ADCY1: variants seen among roughly 807,000 people sequenced by gnomAD.
ADCY1 encodes the protein adenylate cyclase 1, also known as adenylate cyclase type 1.
In ADCY1, 28 loss-of-function variants were observed where a neutral mutation model predicts 105.4. The observed-to-expected ratio is 0.27, with a 90% CI of 0.20 to 0.36. The LOEUF (loss-of-function observed/expected upper bound fraction) is 0.36. Ranked by LOEUF, ADCY1 falls within the 10% of genes least tolerant of loss-of-function variation. The pLI is 1.00. For missense variants in ADCY1, 977 were observed against 1,434.2 expected (o/e 0.68, Z 5.15); for synonymous variants, 655 against 623.8 (o/e 1.05, Z -0.75).
At chr7:45,685,207 G>C in intron 12 of ADCY1, 139 bp downstream of exon 12, 1 of 751,154 alleles carries the variant, frequency 1.3e-6, no homozygotes, top group South Asian at 1.6e-5. Context: ...GCCCCAAGGA[G>C]CCAGGGAACA....
chr7:45,608,928 G>A (rs993243009), intron 2 of ADCY1, among the ~76,000 whole-genome samples: 2 of 152,166 alleles, frequency 1.3e-5, no homozygotes, highest in Admixed American at 6.5e-5. Flanking sequence ...CCGGTGCCAG[G>A]ACTCAGGCAG....
chr7:45,586,645 G>C (rs1792733548), intron 1 of ADCY1, among the ~76,000 whole-genome samples: 2 of 152,210 alleles, frequency 1.3e-5, no homozygotes, highest in Admixed American at 1.3e-4. Context: ...AAGCAGCCAT[G>C]GTTTAAAGAG....
chr7:45,713,797 A>G lies in ADCY1; in HGVS notation c.3162A>G (p.Leu1054=). Residue 1054 remains leucine, a synonymous_variant, in exon 20 of 20, where the codon CTA becomes CTG. Transcript: ENST00000297323. ...KGKGEMLTYF[L]EGRTDGNGSQ... is the part of the protein sequence containing the mutation. ...AAGGCGAGATGTTGACATACTTTCT[A>G]GAAGGCAGGACTGATGGAAACGGCT... 1.3e-6 allele frequency: 1 copy of G among 780,964 alleles called. No homozygotes were observed. The highest frequency in any genetic ancestry group is 2.3e-4 in the Middle Eastern group (1 of 4,442). 48.4% of individuals were successfully genotyped at this position (780,964 alleles called of 1,614,324 possible).
intron 2 of ADCY1, among the ~76,000 whole-genome samples, chr7:45,600,936 C>T (rs1793213641): frequency 6.6e-6 from 1 of 152,160 alleles, no homozygotes; most frequent in Admixed American, 6.5e-5. Flanking sequence ...GCCCTATCTT[C>T]AAATATAGTC....
In ADCY1 at chr7:45,708,790, C is replaced by T. The variant is rs532849639; in HGVS notation, c.2932+326C>T. ...TGCCCTTTTCCCTGTTCGCCAGCCA[C>T]GGCTACATAGTTGAGGCCACATGGG... On this transcript the variant is annotated intron_variant, in intron 18 of 19. Coordinates refer to ENST00000297323, the MANE Select transcript of ADCY1 (RefSeq NM_021116.4). This position sits in a 1 kb window ranked among gnomAD's most constrained non-coding sequence, Gnocchi z 4.7. Among the ~76,000 whole-genome samples the T allele has an allele frequency of 1.2e-4, 19 of 152,322 alleles. No individual in the cohort carries two copies. In the South Asian group the frequency reaches 3.1e-3, roughly 25 times the overall value.
rs371050354 is a variant in ADCY1, at chr7:45,629,809, G to A, written c.1020+7066G>A. On this transcript the variant is annotated intron_variant, in intron 4 of 19. Transcript: ENST00000297323. ...GCTGGGATTACAGGCGTGAGCCACC[G>A]CGCCCGGCCGTATGCTTAACTTTTT... 1.2e-3 allele frequency among the ~76,000 whole-genome samples: 182 copies of A among 152,272 alleles called. 6 individuals are homozygous for A. In the East Asian group the frequency reaches 0.024, roughly 20 times the overall value.
At position 45,647,326 on chromosome 7, in the gene ADCY1, C is replaced by A. The variant is rs1325021303; in HGVS notation, c.1021-1344C>A. On this transcript the variant is annotated intron_variant, in intron 4 of 19. Transcript: ENST00000297323. This position sits in a 1 kb window ranked among gnomAD's most constrained non-coding sequence, Gnocchi z 4.6. ...CTCTGTGCTGGCCATGGTTCCTTTT[C>A]TCTAAGAATGTGGGGCACAGATGAG... 6.6e-6 allele frequency among the ~76,000 whole-genome samples: 1 copy of A among 152,212 alleles called. No homozygotes were observed. The highest frequency in any genetic ancestry group is 1.5e-5 in the Non-Finnish European group (1 of 68,032).
chr7:45,614,920 CAATAAT>C lies in ADCY1; in HGVS notation c.908+4428_908+4433del, dbSNP rs543192626. 1.7e-3 allele frequency among the ~76,000 whole-genome samples: 260 copies of C among 152,238 alleles called. 1 individual carries two copies. The highest frequency in any genetic ancestry group is 5.6e-3 in the African/African-American group (231 of 41,540). On this transcript the variant is annotated intron_variant, in intron 3 of 19. Coordinates refer to ENST00000297323, the MANE Select transcript of ADCY1 (RefSeq NM_021116.4). Reference sequence around the variant, plus strand: ...CTGTAAAAAGAAATAGACCACAAAACAATAATAATAGGCGACTTCAGTAGTCTATTT... The same window carrying C: ...CTGTAAAAAGAAATAGACCACAAAACAATAGGCGACTTCAGTAGTCTATTT...
At chr7:45,711,498 G>A (rs1017482290) in intron 19 of ADCY1, among the ~76,000 whole-genome samples, 1 of 151,324 alleles carries the variant, frequency 6.6e-6, no homozygotes, top group Non-Finnish European at 1.5e-5. Flanking sequence ...TCACAGTAAG[G>A]TATACATTGA....
At chr7:45,642,260 G>A (rs1284405843) in intron 4 of ADCY1, among the ~76,000 whole-genome samples, 1 of 152,174 alleles carries the variant, frequency 6.6e-6, no homozygotes, top group Non-Finnish European at 1.5e-5. Flanking sequence ...TCAGGTTTAG[G>A]ATTAGATAGT....
rs545058182 is a variant in ADCY1 at position 45,655,497 on chromosome 7, A to G, written c.1149-2230A>G. 2.0e-5 allele frequency among the ~76,000 whole-genome samples: 3 copies of G among 152,374 alleles called. No individual in the cohort carries two copies. In the East Asian group the frequency reaches 5.8e-4, roughly 29 times the overall value. ...TAAAGGTTCTGTTGGATTTAGACGA[A>G]GCCAGCTTGGGCATCCCAGGAATGG... is the stretch of plus-strand genomic sequence containing the variant. On this transcript the variant is annotated intron_variant, in intron 5 of 19. Transcript: ENST00000297323.
intron 14 of ADCY1, among the ~76,000 whole-genome samples, chr7:45,691,827 A>G (rs1784791207): frequency 1.3e-5 from 2 of 152,322 alleles, no homozygotes; most frequent in South Asian, 4.1e-4. Context: ...CTGGTGGCAG[A>G]AGCTAAGTTA....
In ADCY1 at chr7:45,601,169, A is replaced by G. The variant is rs111452950; in HGVS notation, c.789+8261A>G. Among the ~76,000 whole-genome samples the G allele has an allele frequency of 3.0e-3, 464 of 152,248 alleles. 4 individuals carry two copies. The highest frequency in any genetic ancestry group is 0.01 in the African/African-American group (434 of 41,530). ...TGGCTGAGTGCAAATAGAAGTACAT[A>G]TGGCCGCCCCTGTGCAGCTGGTGGA... On this transcript the variant is annotated intron_variant, in intron 2 of 19. Coordinates refer to ENST00000297323, the MANE Select transcript of ADCY1 (RefSeq NM_021116.4).
In ADCY1 at chr7:45,617,154, C is replaced by T. The variant is rs1250206125; in HGVS notation, c.909-5478C>T. Among the ~76,000 whole-genome samples, 6 of 152,238 alleles carry T rather than the reference C, an allele frequency of 3.9e-5. No individual in the cohort carries two copies. In the East Asian group the frequency reaches 5.8e-4, roughly 15 times the overall value. ...GAGTGTGCATTGTTTTGGGATCCAG[C>T]AGTGCCAGTCCTAGGCATTCAGGAA... On this transcript the variant is annotated intron_variant, in intron 3 of 19. Transcript: ENST00000297323.
chr7:45,674,841 T>C (rs1047279112), intron 8 of ADCY1, among the ~76,000 whole-genome samples: 3 of 152,246 alleles, frequency 2.0e-5, no homozygotes, highest in Non-Finnish European at 4.4e-5. Flanking sequence ...CTACTTTTTC[T>C]GTTATCACTA....
rs1299510851 is a variant in ADCY1 at position 45,610,333 on chromosome 7, G to A, written c.790-46G>A. ...GGAGGGTGAGGTGAGGAGGAGTGGA[G>A]GGAGGGGGCCCTGCTGTCTAACCCG... On this transcript the variant is annotated intron_variant, in intron 2 of 19. Coordinates refer to ENST00000297323, the MANE Select transcript of ADCY1 (RefSeq NM_021116.4). 11 of 1,553,218 alleles carry A rather than the reference G, an allele frequency of 7.1e-6. No individual in the cohort carries two copies. The East Asian group carries it at 2.5e-4, about 35-fold the overall frequency.
At chr7:45,604,868 G>T (rs1213623232) in intron 2 of ADCY1, among the ~76,000 whole-genome samples, 2 of 152,106 alleles carry the variant, frequency 1.3e-5, no homozygotes, top group Non-Finnish European at 2.9e-5. Context: ...AGAATTTGCT[G>T]GGATTTTGAT....
intron 4 of ADCY1, among the ~76,000 whole-genome samples, chr7:45,627,397 A>G (rs993459393): frequency 6.6e-6 from 1 of 152,128 alleles, no homozygotes. Flanking sequence ...AACCCTACTC[A>G]TTCATCACTG....
chr7:45,597,448 A>G (rs1479631750), intron 2 of ADCY1, among the ~76,000 whole-genome samples: 2 of 152,144 alleles, frequency 1.3e-5, no homozygotes, highest in Non-Finnish European at 2.9e-5. Context: ...GCACCTCTCA[A>G]TTTCCTGGCT....
Sources: allele counts gnomAD v4.1 joint callset (sites outside exome capture counted in the v4.1 genomes callset), GRCh38; gene constraint gnomAD v4.1.1; non-coding constraint Gnocchi (gnomAD v3.1); transcripts MANE v1.5; gene names NCBI Gene and HGNC (gene_info 2026-07-23, HGNC 2026-07-21).